KCND2: variants seen among roughly 807,000 people sequenced by gnomAD.
KCND2 encodes the protein A-type voltage-gated potassium channel KCND2.
KCND2 carries 16 observed loss-of-function variants against 54.4 expected under a neutral mutation model. That is an observed-to-expected ratio of 0.29 (90% CI 0.20 to 0.45). The LOEUF is 0.45. KCND2 is among the 20% of genes least tolerant of loss of function. The pLI is 1.00. For synonymous variants in KCND2, 317 were observed against 310.7 expected (o/e 1.02, Z -0.21); for missense variants, 486 against 824.2 (o/e 0.59, Z 5.02).
At chr7:120,734,879 C>T (rs1045987138) in intron 2 of KCND2, among the ~76,000 whole-genome samples, 7 of 152,030 alleles carry the variant, frequency 4.6e-5, no homozygotes, top group East Asian at 1.9e-4. Context: ...AATTCCAGAA[C>T]GGGATCTTAA....
chr7:120,748,981 C>T lies in KCND2; in HGVS notation c.*1123C>T, dbSNP rs560600247. 1 of 152,010 alleles carries T rather than the reference C, an allele frequency of 6.6e-6. No homozygotes were observed. The highest frequency in any genetic ancestry group is 6.6e-5 in the Admixed American group (1 of 15,250). 9.4% of individuals were successfully genotyped at this position (152,010 alleles called of 1,614,324 possible). A position where few individuals can be genotyped will look rare whatever the true frequency, so the allele number is the denominator to read the frequency against. On this transcript the variant is annotated 3_prime_UTR_variant, in exon 6 of 6. Transcript: ENST00000331113. ...AAAACTAGAAAAAAAGGAGTTGACC[C>T]ATATAAATTATCTCTAACGTCTTTG...
intron 1 of KCND2, among the ~76,000 whole-genome samples, chr7:120,641,351 C>T (rs1793370697): frequency 6.6e-6 from 1 of 152,100 alleles, no homozygotes; most frequent in East Asian, 1.9e-4. Flanking sequence ...GCCCTGTACC[C>T]CTCTAGTGTC....
intron 1 of KCND2, among the ~76,000 whole-genome samples, chr7:120,552,342 C>A (rs1195966382): frequency 1.3e-5 from 2 of 152,194 alleles, no homozygotes; most frequent in South Asian, 2.1e-4. Context: ...TGTTTTCCTG[C>A]CACTTCTCCC....
At chr7:120,712,627 T>G (rs910757714) in intron 1 of KCND2, among the ~76,000 whole-genome samples, 1 of 152,062 alleles carries the variant, frequency 6.6e-6, no homozygotes, top group African/African-American at 2.4e-5. Flanking sequence ...GACTAATAGA[T>G]AAGGAGAACA....
chr7:120,520,931 G>A (rs1791684091), intron 1 of KCND2, among the ~76,000 whole-genome samples: 1 of 152,092 alleles, frequency 6.6e-6, no homozygotes, highest in Non-Finnish European at 1.5e-5. Context: ...ACTCTGCATT[G>A]TCTCTAATGA....
chr7:120,313,302 A>C (rs762675106), intron 1 of KCND2, among the ~76,000 whole-genome samples: 1 of 152,172 alleles, frequency 6.6e-6, no homozygotes, highest in African/African-American at 2.4e-5. Flanking sequence ...TGTTCATCTT[A>C]TTATCATAAT....
rs1395153574 is a variant in KCND2 at position 120,273,355 on chromosome 7, C to G, written c.-1278C>G. On this transcript the variant is annotated 5_prime_UTR_variant, in exon 1 of 6. Transcript: ENST00000331113. ...AGCGCCTTCTGCCTCCGCGCTCGGA[C>G]GAGAGCCCGTGCCGGCCCCGGCCCC... 6.7e-6 allele frequency among the ~76,000 whole-genome samples: 1 copy of G among 149,294 alleles called. No individual in the cohort carries two copies. The highest frequency in any genetic ancestry group is 1.5e-5 in the Non-Finnish European group (1 of 67,070).
chr7:120,734,657 T>C (rs1209037885), intron 2 of KCND2, among the ~76,000 whole-genome samples: 1 of 152,158 alleles, frequency 6.6e-6, no homozygotes, highest in Non-Finnish European at 1.5e-5. Context: ...CTTGGAAATC[T>C]CTTTTGTAGT....
chr7:120,598,103 A>G (rs965504408), intron 1 of KCND2, among the ~76,000 whole-genome samples: 2 of 152,064 alleles, frequency 1.3e-5, no homozygotes, highest in Admixed American at 6.6e-5. Flanking sequence ...AAGAAAAACT[A>G]AAAAGAATGA....
chr7:120,548,143 A>G (rs1008351760), intron 1 of KCND2, among the ~76,000 whole-genome samples: 3 of 152,134 alleles, frequency 2.0e-5, no homozygotes, highest in Non-Finnish European at 4.4e-5. Flanking sequence ...GGAAGTGGCT[A>G]GTAGGATTTC....
chr7:120,353,147 T>A (rs1189582952), intron 1 of KCND2, among the ~76,000 whole-genome samples: 3 of 147,394 alleles, frequency 2.0e-5, no homozygotes, highest in African/African-American at 2.5e-5. Flanking sequence ...TTTTTTTTTT[T>A]TTTTTTTTTT....
chr7:120,278,911 C>A (rs1329180399), intron 1 of KCND2, among the ~76,000 whole-genome samples: 1 of 150,312 alleles, frequency 6.7e-6, no homozygotes, highest in African/African-American at 2.4e-5. Flanking sequence ...TAGCTCTGTT[C>A]CTCCATTTCA....
rs930285271 is a variant in KCND2, at chr7:120,723,319, A to C, written c.1116-9584A>C. 2.0e-5 allele frequency among the ~76,000 whole-genome samples: 3 copies of C among 152,180 alleles called. No homozygotes were observed. The East Asian group carries it at 5.8e-4, about 29-fold the overall frequency. On this transcript the variant is annotated intron_variant, in intron 1 of 5. Coordinates refer to ENST00000331113, the MANE Select transcript of KCND2 (RefSeq NM_012281.3). ...AACATGTCTCCCTCAATATACTCAC[A>C]AGGTTTAACCAGAGAGGATCTTGTT...
At chr7:120,374,973 T>C (rs1247381456) in intron 1 of KCND2, among the ~76,000 whole-genome samples, 1 of 151,872 alleles carries the variant, frequency 6.6e-6, no homozygotes, top group Admixed American at 6.6e-5. Context: ...AAGGAGCTAG[T>C]CAAATCTCTG....
intron 1 of KCND2, among the ~76,000 whole-genome samples, chr7:120,724,165 C>A (rs1792703784): frequency 6.6e-6 from 1 of 152,158 alleles, no homozygotes. Context: ...TGGACAAGGT[C>A]TGTGCTAGAC....
intron 1 of KCND2, among the ~76,000 whole-genome samples, chr7:120,358,657 C>T (rs993888369): frequency 2.0e-5 from 3 of 152,044 alleles, no homozygotes; most frequent in Non-Finnish European, 2.9e-5. Context: ...TTCTCTTGCC[C>T]GAAAATCTCT....
chr7:120,737,888 T>G (rs1274742704), intron 2 of KCND2, among the ~76,000 whole-genome samples: 1 of 151,922 alleles, frequency 6.6e-6, no homozygotes, highest in Non-Finnish European at 1.5e-5. Flanking sequence ...TTCAAAAGAT[T>G]TTGTGATTTG....
intron 1 of KCND2, among the ~76,000 whole-genome samples, chr7:120,684,373 A>G (rs1210505563): frequency 1.3e-5 from 2 of 152,188 alleles, no homozygotes; most frequent in Admixed American, 6.5e-5. Flanking sequence ...AAAGTACAAC[A>G]TGTACTTCTG....
At chr7:120,401,383 A>AG (rs1389781568) in intron 1 of KCND2, among the ~76,000 whole-genome samples, 1 of 152,236 alleles carries the variant, frequency 6.6e-6, no homozygotes, top group East Asian at 1.9e-4. Context: ...TATGCTTTTG[A>AG]GGTACTGCCC....
Sources: gnomAD v4.1 joint callset for allele counts (sites outside exome capture counted in the v4.1 genomes callset) on GRCh38, gnomAD v4.1.1 for gene constraint, MANE v1.5 for transcripts, NCBI Gene and HGNC (gene_info 2026-07-23, HGNC 2026-07-21) for gene names.